Variants in ATRX observed in about 807,000 individuals in gnomAD.
The protein encoded by ATRX is ATRX chromatin remodeler, also known as chromatin remodeler ATRX.
A neutral mutation model predicts 172.6 loss-of-function variants in ATRX; 12 were observed. That is an observed-to-expected ratio of 0.07 (90% confidence interval 0.04 to 0.11). The LOEUF (loss-of-function observed/expected upper bound fraction) is 0.11, where lower values mean the gene tolerates loss of function less well. Ranked by LOEUF, ATRX falls within the 10% of genes least tolerant of loss-of-function variation. ATRX has a pLI of 1.00. For missense variants in ATRX, 1,368 were observed against 1,767.4 expected (o/e 0.77, Z 4.05); for synonymous variants, 674 against 594.7 (o/e 1.13, Z -1.94).
chrX:77,694,155 G>A (rs1557148478), intron 5 of ATRX, among the ~76,000 whole-genome samples: 1 of 111,886 alleles, frequency 8.9e-6, no homozygotes, highest in Non-Finnish European at 1.9e-5. Context: ...CATAAAAACA[G>A]GAAAGGGAGG....
Position 77,618,440 on chromosome X carries a change from A to C in ATRX, c.5448+366T>G, listed in dbSNP as rs1319053511. Among the ~76,000 whole-genome samples, 3 of 111,936 alleles carry C rather than the reference A, an allele frequency of 2.7e-5. No individual in the cohort carries two copies. The Admixed American group carries it at 2.9e-4, about 11-fold the overall frequency. On this transcript the variant is annotated intron_variant, in intron 21 of 34. Transcript: ENST00000373344. Reference sequence around the variant, plus strand: ...GGCCTCTCCTATAACCATTTCAAAAAAGTGAGATTTATAATACTGTACTAC... The same window carrying C: ...GGCCTCTCCTATAACCATTTCAAAACAGTGAGATTTATAATACTGTACTAC...
At chrX:77,744,314 T>C (rs2074985846) in intron 1 of ATRX, among the ~76,000 whole-genome samples, 1 of 111,886 alleles carries the variant, frequency 8.9e-6, no homozygotes, top group South Asian at 3.7e-4. Flanking sequence ...TGTCTCAAAA[T>C]AAATCATACA....
rs3027534 is a variant in ATRX, at chrX:77,536,451, T to C, written c.6700-13050A>G. Among the ~76,000 whole-genome samples the C allele has an allele frequency of 8.1e-5, 9 of 111,612 alleles. No individual in the cohort carries two copies. The South Asian group carries it at 3.0e-3, about 37-fold the overall frequency. On this transcript the variant is annotated intron_variant, in intron 30 of 34. Transcript: ENST00000373344. ...CCTACTTAAACCCTTAAAAGGATCA[T>C]AGCTTCAGTTTCTTGCTACTCTTAC... is the stretch of plus-strand genomic sequence containing the variant.
intron 10 of ATRX, among the ~76,000 whole-genome samples, chrX:77,669,738 G>A (rs1369569285): frequency 2.7e-5 from 3 of 110,792 alleles, no homozygotes; most frequent in Non-Finnish European, 5.7e-5. Flanking sequence ...TTGCTCTGTT[G>A]CCCAGGCTAG....
rs782314786 is a variant in ATRX, at chrX:77,683,156, C to G, written c.2100G>C (p.Lys700Asn). 3 of 1,208,502 alleles carry G rather than the reference C, an allele frequency of 2.5e-6. No homozygotes were observed. The highest frequency in any genetic ancestry group is 3.4e-6 in the Non-Finnish European group (3 of 894,207). Residue 700 changes from lysine to asparagine, a missense_variant, in exon 9 of 35, where the codon AAG becomes AAC. Around this residue, in one of 17 missense-constraint regions of ATRX, gnomAD observed 843 missense variants for 643.1 expected, o/e 1.31. Coordinates refer to ENST00000373344, the MANE Select transcript of ATRX (RefSeq NM_000489.6). ...CTATAGCACTGTCAGAAGAATTACG[C>G]TTATCCTTTTTTCTCACTGGAACTG... ...KLSVPVRKKD[K>N]RNSSDSAIDN...
At chrX:77,781,631 C>T (rs2076576896) in intron 1 of ATRX, among the ~76,000 whole-genome samples, 1 of 110,926 alleles carries the variant, frequency 9.0e-6, no homozygotes, top group Non-Finnish European at 1.9e-5. Flanking sequence ...AGAAGTTAAA[C>T]ATCTTGCATG....
intron 2 of ATRX, among the ~76,000 whole-genome samples, chrX:77,707,137 T>C (rs965453470): frequency 8.9e-6 from 1 of 112,163 alleles, no homozygotes; most frequent in Non-Finnish European, 1.9e-5. Flanking sequence ...TGTAGGATTA[T>C]ACGTATATGA....
At chrX:77,642,118 C>T (rs782134338) in intron 15 of ATRX, among the ~76,000 whole-genome samples, 3 of 111,059 alleles carry the variant, frequency 2.7e-5, no homozygotes, top group Non-Finnish European at 3.8e-5. Flanking sequence ...TCTCTTGAGC[C>T]CAGGAGTTTG....
chrX:77,639,015 T>C (rs1008051871), intron 15 of ATRX, among the ~76,000 whole-genome samples: 9 of 112,266 alleles, frequency 8.0e-5, no homozygotes, highest in African/African-American at 2.9e-4. Context: ...ATCACTGGGG[T>C]AAAGCCATTA....
intron 9 of ATRX, 101 bp from the exon 10 acceptor site, chrX:77,676,399 G>A (rs2070867853): frequency 2.8e-6 from 2 of 726,627 alleles, no homozygotes; most frequent in Admixed American, 5.2e-5. Context: ...AGCAAACTAA[G>A]TGGGGTCTAA....
chrX:77,658,312 C>T (rs2069664342), intron 12 of ATRX, among the ~76,000 whole-genome samples: 2 of 112,176 alleles, frequency 1.8e-5, no homozygotes, highest in Admixed American at 9.4e-5. Context: ...AATCTCAATT[C>T]GATCATGAGA....
At position 77,601,522 on chromosome X, in the gene ATRX, G is replaced by A. The variant is rs960196168; in HGVS notation, c.5567-958C>T. Among the ~76,000 whole-genome samples the A allele has an allele frequency of 3.7e-5, 4 of 107,631 alleles. No individual in the cohort carries two copies. In the South Asian group the frequency reaches 1.6e-3, roughly 44 times the overall value. The allele number at this position is 107,631 out of a possible 115,157, so 93.5% of individuals were successfully genotyped here. On this transcript the variant is annotated intron_variant, in intron 22 of 34. Transcript: ENST00000373344. ...ACCTTCCAAAAATTATGTTTTTGAT[G>A]TATAAAATGTAAATATTAGCTCTGC...
chrX:77,531,726 C>A (rs2063582027), intron 30 of ATRX, among the ~76,000 whole-genome samples: 1 of 111,765 alleles, frequency 8.9e-6, no homozygotes, highest in Non-Finnish European at 1.9e-5. Context: ...TGGCACAAGA[C>A]AAAGATGCCT....
intron 28 of ATRX, among the ~76,000 whole-genome samples, chrX:77,562,310 G>A (rs1251474817): frequency 1.8e-5 from 2 of 112,047 alleles, no homozygotes; most frequent in African/African-American, 6.5e-5. Context: ...ATTTCCATGG[G>A]ATACATTTCT....
Position 77,607,164 on chromosome X carries a change from G to A in ATRX, c.5567-6600C>T, listed in dbSNP as rs782041801. On this transcript the variant is annotated intron_variant, in intron 22 of 34. Transcript: ENST00000373344. ...ATCAAAGAAGATAAAGAAATAAAGC[G>A]CATACAAATGGGAAAGGAAGAAGTC... Among the ~76,000 whole-genome samples, 20 of 111,455 alleles carry A rather than the reference G, an allele frequency of 1.8e-4. No individual in the cohort carries two copies. The South Asian group carries it at 3.0e-3, about 17-fold the overall frequency.
At position 77,599,736 on chromosome X, in the gene ATRX, T is replaced by C. The variant is rs2066604701; in HGVS notation, c.5782A>G (p.Thr1928Ala). 1 of 1,206,514 alleles carries C rather than the reference T, an allele frequency of 8.3e-7. No individual in the cohort carries two copies. Among genetic ancestry groups the C allele is most frequent in the African/African-American group, 1.7e-5 (1 of 57,622 alleles). Residue 1928 changes from threonine (T) to alanine (A), a missense_variant, in exon 24 of 35, where the codon ACA (threonine) becomes GCA (alanine). Coordinates refer to ENST00000373344, the MANE Select transcript of ATRX (RefSeq NM_000489.6). ...TSMSLSSDDYTKKKKKGKKGK... is the reference protein window; with the variant it reads ...TSMSLSSDDYAKKKKKGKKGK... ...ACGAAAAAGTATTCGATTTACTTTG[T>C]ATAATCATCGGAGCTTAAACTCATG...
chrX:77,681,090 A>G (rs2071160711), intron 9 of ATRX, among the ~76,000 whole-genome samples: 1 of 111,552 alleles, frequency 9.0e-6, no homozygotes, highest in Admixed American at 9.6e-5. Context: ...TTCATGAGAC[A>G]CAAAGTTATC....
chrX:77,583,917 T>C (rs1373676824), intron 27 of ATRX, among the ~76,000 whole-genome samples: 2 of 111,960 alleles, frequency 1.8e-5, no homozygotes, highest in Admixed American at 9.4e-5. Flanking sequence ...CAGAAAACTA[T>C]TAGAAATGAT....
chrX:77,648,422 G>A (rs2148417514), intron 15 of ATRX, among the ~76,000 whole-genome samples: 1 of 111,158 alleles, frequency 9.0e-6, no homozygotes, highest in South Asian at 3.8e-4. Context: ...AAGATGCAGT[G>A]TTTAAACAGT....
Sources: gnomAD v4.1 joint callset for allele counts (sites outside exome capture counted in the v4.1 genomes callset) on GRCh38, gnomAD v4.1.1 for gene constraint, gnomAD v4.1.1 regional missense constraint, MANE v1.5 for transcripts, NCBI Gene and HGNC (gene_info 2026-07-23, HGNC 2026-07-21) for gene names.